The following LSG1 variants were observed in gnomAD, a reference collection of about 807,000 sequenced individuals.
The protein encoded by LSG1 is large subunit GTPase 1 homolog.
Under a neutral mutation model 82.6 loss-of-function variants are expected in LSG1, and 55 were observed. That is an observed-to-expected ratio of 0.67 (90% confidence interval 0.54 to 0.83). The LOEUF (loss-of-function observed/expected upper bound fraction) is 0.83, where lower values mean the gene tolerates loss of function less well. Among genes scored for constraint, LSG1 ranks in the 40% least tolerant of loss-of-function variants. The pLI is 0.00. For missense variants in LSG1, 809 were observed against 807.9 expected, an observed-to-expected ratio of 1.00 and a Z score of -0.02; for synonymous variants, 272 against 282.5, an observed-to-expected ratio of 0.96 and a Z score of 0.37.
intron 5 of LSG1, among the ~76,000 whole-genome samples, chr3:194,664,604 T>C (rs73069364): frequency 0.036 from 5,419 of 152,124 alleles, 334 homozygotes; most frequent in African/African-American, 0.13. Flanking sequence ...TCTCTTCTTT[T>C]CAGAGCCCAG....
Position 194,672,148 on chromosome 3 carries a change from TCTC to T in LSG1, c.12_14del (p.Arg5del). 6.2e-7 allele frequency: 1 copy of T among 1,603,076 alleles called. No homozygotes were observed. The highest frequency in any genetic ancestry group is 1.1e-5 in the South Asian group (1 of 91,060). On this transcript the variant is annotated inframe_deletion, in exon 1 of 14. Transcript: ENST00000265245. ...GTCCCAGCGACCCACCGGCCGGGGCTCTCCTCCGGCCCATGGCAACACGACCGC... is the reference window on the plus strand; with the variant it reads ...GTCCCAGCGACCCACCGGCCGGGGCTCTCCGGCCCATGGCAACACGACCGC...
At chr3:194,647,119 C>G (rs1718570417) in intron 11 of LSG1, among the ~76,000 whole-genome samples, 1 of 152,064 alleles carries the variant, frequency 6.6e-6, no homozygotes, top group East Asian at 1.9e-4. Flanking sequence ...ACACAATATA[C>G]AACAATAAAT....
rs1252504929 is a variant in LSG1 at position 194,644,028 on chromosome 3, A to AATT, written c.1797+544_1797+545insAAT. ...TCATAAAGATTGATTATTGGTTGGC[A>AATT]GGGGCTGGGGGAAAAAAGGGGACAG... On this transcript the variant is annotated intron_variant, in intron 13 of 13. Coordinates refer to ENST00000265245, the MANE Select transcript of LSG1 (RefSeq NM_018385.3). Among the ~76,000 whole-genome samples the AATT allele has an allele frequency of 2.0e-5, 3 of 152,234 alleles. No individual in the cohort carries two copies. In the East Asian group the frequency reaches 5.8e-4, roughly 29 times the overall value.
chr3:194,670,899 G>C (rs1204872793), intron 1 of LSG1, among the ~76,000 whole-genome samples: 1 of 150,772 alleles, frequency 6.6e-6, no homozygotes, highest in African/African-American at 2.4e-5. Flanking sequence ...GGGCAACACA[G>C]CAAGACCCTG....
chr3:194,670,258 A>C, intron 1 of LSG1, 123 bp from the exon 2 acceptor site: 1 of 845,264 alleles, frequency 1.2e-6, no homozygotes, highest in South Asian at 1.7e-5. Context: ...TTTAGAATCA[A>C]TACTACTTAT....
rs1420235414 is a variant in LSG1, at chr3:194,641,954, A to C, written c.*114T>G. On this transcript the variant is annotated 3_prime_UTR_variant, in exon 14 of 14. Transcript: ENST00000265245. Reference sequence around the variant, plus strand: ...CTGTTGGGTGCAGCCGTGCTCTGCAAGAGCAGGGCCCGTTCTACAGTGCTA... The same window carrying C: ...CTGTTGGGTGCAGCCGTGCTCTGCACGAGCAGGGCCCGTTCTACAGTGCTA... 6.0e-6 allele frequency: 7 copies of C among 1,161,872 alleles called. No homozygotes were observed. In the Admixed American group the frequency reaches 1.6e-4, roughly 26 times the overall value. The allele number at this position is 1,161,872 out of a possible 1,614,324, so 72.0% of individuals were successfully genotyped here. A position where few individuals can be genotyped will look rare whatever the true frequency, so the allele number is the denominator to read the frequency against.
intron 10 of LSG1, 62 bp from the exon 11 acceptor site, chr3:194,648,866 G>C: frequency 6.3e-7 from 1 of 1,583,808 alleles, no homozygotes; most frequent in Non-Finnish European, 8.6e-7. Flanking sequence ...CATACAAATC[G>C]TGCCTCAAAG....
intron 10 of LSG1, among the ~76,000 whole-genome samples, chr3:194,650,221 T>G (rs1718646428): frequency 6.6e-6 from 1 of 152,246 alleles, no homozygotes; most frequent in Non-Finnish European, 1.5e-5. Context: ...ACCTGGCCCC[T>G]GCATAGTTCT....
At chr3:194,645,495 TACACACACACACACACAC>T (rs56936610) in intron 12 of LSG1, 2 of 62,004 alleles carry the variant, frequency 3.2e-5, no homozygotes, top group Admixed American at 1.9e-4. Flanking sequence ...AGCTTAGTGC[TACACACACACACACACAC>T]ACACACACAC....
At chr3:194,651,773 T>A (rs1175424064) in intron 8 of LSG1, among the ~76,000 whole-genome samples, 2 of 152,214 alleles carry the variant, frequency 1.3e-5, no homozygotes, top group Non-Finnish European at 2.9e-5. Context: ...AACTTTCTGA[T>A]ACAAATTTTT....
rs370741277 is a variant in LSG1, at chr3:194,642,165, G to C, written c.1880C>G (p.Ala627Gly). Reference protein sequence around the residue: ...PGSGVVTASTASSENGAGKPW... With the variant: ...PGSGVVTASTGSSENGAGKPW... ...CTTCCCCGCCCCGTTCTCAGAGCTC[G>C]CAGTGGATGCAGTCACTACACCACT... Residue 627 changes from alanine to glycine, a missense_variant, in exon 14 of 14, where the codon GCG becomes GGG. By Grantham distance (60) the Ala-to-Gly change is moderately conservative. Coordinates refer to ENST00000265245, the MANE Select transcript of LSG1 (RefSeq NM_018385.3). The C allele has an allele frequency of 2.3e-5, 37 of 1,613,708 alleles. No individual in the cohort carries two copies. In the African/African-American group the frequency reaches 4.7e-4, roughly 20 times the overall value.
At chr3:194,667,652 G>A (rs950820632) in intron 2 of LSG1, among the ~76,000 whole-genome samples, 18 of 151,852 alleles carry the variant, frequency 1.2e-4, no homozygotes, top group South Asian at 2.1e-4. Flanking sequence ...AGCCAGGTGC[G>A]GTGGCTCACG....
chr3:194,666,291 T>C lies in LSG1; in HGVS notation c.348-2A>G. Reference sequence around the variant, plus strand: ...GTAGTATTTTGGTTCCAGTTTGGTCTGAAACAATCATAGAAGGAAAAAAAT... The same window carrying C: ...GTAGTATTTTGGTTCCAGTTTGGTCCGAAACAATCATAGAAGGAAAAAAAT... On this transcript the variant is annotated splice_acceptor_variant, in intron 3 of 13. Coordinates refer to ENST00000265245, the MANE Select transcript of LSG1 (RefSeq NM_018385.3). LOFTEE classifies it high-confidence loss of function. The C allele has an allele frequency of 6.2e-7, 1 of 1,613,862 alleles. No homozygotes were observed. Among genetic ancestry groups the C allele is most frequent in the Non-Finnish European group, 8.5e-7 (1 of 1,179,822 alleles).
At chr3:194,646,082 C>T (rs1187831273) in intron 12 of LSG1, 82 bp downstream of exon 12, 34 of 1,332,642 alleles carry the variant, frequency 2.6e-5, no homozygotes, top group African/African-American at 8.7e-5. Context: ...CCTTTATAAT[C>T]GAACAGGTTA....
intron 8 of LSG1, among the ~76,000 whole-genome samples, chr3:194,652,017 TA>T (rs1047755201): frequency 3.3e-5 from 5 of 152,148 alleles, no homozygotes; most frequent in African/African-American, 1.2e-4. Context: ...CAAAACTAAC[TA>T]GGATTAGCTA....
intron 7 of LSG1, among the ~76,000 whole-genome samples, chr3:194,653,768 G>C (rs994284396): frequency 1.3e-5 from 2 of 152,188 alleles, no homozygotes; most frequent in African/African-American, 4.8e-5. Context: ...GGGTGCTACG[G>C]CTCACGCCTG....
chr3:194,664,512 T>A (rs1056191933), intron 5 of LSG1, among the ~76,000 whole-genome samples: 1 of 152,144 alleles, frequency 6.6e-6, no homozygotes, highest in African/African-American at 2.4e-5. Flanking sequence ...CAGGTGTTCA[T>A]CAACTTCTAA....
chr3:194,651,883 C>T (rs1292900154), intron 8 of LSG1, among the ~76,000 whole-genome samples: 3 of 152,182 alleles, frequency 2.0e-5, no homozygotes, highest in African/African-American at 7.2e-5. Flanking sequence ...GGGAATTACA[C>T]CTAGGTCTGT....
chr3:194,671,790 C>A, intron 1 of LSG1: 1 of 494,878 alleles, frequency 2.0e-6, no homozygotes, highest in Non-Finnish European at 3.6e-6. Flanking sequence ...TAGGGCAAAA[C>A]CCAAACGTAC....
Sources: allele counts gnomAD v4.1 joint callset (sites outside exome capture counted in the v4.1 genomes callset), GRCh38; gene constraint gnomAD v4.1.1; transcripts MANE v1.5; gene names NCBI Gene and HGNC (gene_info 2026-07-23, HGNC 2026-07-21).